Variants in CCDC102B observed in about 807,000 individuals in gnomAD.
The protein encoded by CCDC102B is coiled-coil domain containing 102B, also known as coiled-coil domain-containing protein 102B.
CCDC102B carries 75 observed loss-of-function variants against 57.4 expected under a neutral mutation model. The observed-to-expected ratio is 1.31, with a 90% confidence interval of 1.08 to 1.58. CCDC102B has a LOEUF of 1.58. Ranked by LOEUF, CCDC102B falls within the 40% of genes most tolerant of loss-of-function variation. The pLI is 0.00. For missense variants in CCDC102B, 636 were observed against 582.6 expected (o/e 1.09, Z -0.94); for synonymous variants, 206 against 201.9 (o/e 1.02, Z -0.17).
chr18:68,839,281 T>C (rs2037519204), intron 3 of CCDC102B, among the ~76,000 whole-genome samples: 1 of 152,270 alleles, frequency 6.6e-6, no homozygotes, highest in Admixed American at 6.5e-5. Flanking sequence ...TGAATAAATA[T>C]GTTAATATTA....
At chr18:68,784,526 C>G (rs2035121716) in intron 2 of CCDC102B, among the ~76,000 whole-genome samples, 1 of 151,970 alleles carries the variant, frequency 6.6e-6, no homozygotes, top group African/African-American at 2.4e-5. Context: ...AGCCATCAAA[C>G]CTGGTTAATG....
At chr18:68,832,489 TTTG>T (rs935078088) in intron 1 of CCDC102B, among the ~76,000 whole-genome samples, 4 of 152,180 alleles carry the variant, frequency 2.6e-5, no homozygotes, top group East Asian at 3.9e-4. Context: ...CCCACTTTAT[TTTG>T]TTGTTGTTGT....
chr18:68,908,556 T>C (rs2040725407), intron 6 of CCDC102B: 1 of 152,204 alleles, frequency 6.6e-6, no homozygotes, highest in Admixed American at 6.5e-5. Context: ...AGCAACTGTA[T>C]GCATTCTGTT....
intron 6 of CCDC102B, among the ~76,000 whole-genome samples, chr18:68,981,114 C>G (rs2050568426): frequency 6.6e-6 from 1 of 151,876 alleles, no homozygotes; most frequent in Non-Finnish European, 1.5e-5. Context: ...TTCAAATTTT[C>G]TACAATATGC....
At chr18:68,937,309 A>G (rs759778400) in intron 6 of CCDC102B, among the ~76,000 whole-genome samples, 1 of 152,082 alleles carries the variant, frequency 6.6e-6, no homozygotes, top group Non-Finnish European at 1.5e-5. Flanking sequence ...GTGGCACCAG[A>G]TAAGCCTCAA....
rs182938225 is a variant in CCDC102B at position 69,015,687 on chromosome 18, C to T, written c.1434+4583C>T. On this transcript the variant is annotated intron_variant, in intron 7 of 7. Coordinates refer to ENST00000360242, the MANE Select transcript of CCDC102B (RefSeq NM_024781.3). ...ATGTACTTGGGCCATAGGAAAAAAT[C>T]TGGGATCTAATTAAATAAACAAAGA... 2.5e-4 allele frequency among the ~76,000 whole-genome samples: 38 copies of T among 152,206 alleles called. 1 individual carries two copies. The highest frequency in any genetic ancestry group is 2.0e-3 in the Admixed American group (30 of 15,298).
At chr18:68,720,561 T>G (rs1040482301) in intron 2 of CCDC102B, among the ~76,000 whole-genome samples, 25 of 152,284 alleles carry the variant, frequency 1.6e-4, no homozygotes, top group Middle Eastern at 3.4e-3. Flanking sequence ...TCATGACCCT[T>G]ATAGAAAGAA....
chr18:68,874,490 C>G (rs982827978), intron 4 of CCDC102B, among the ~76,000 whole-genome samples, 179 bp from the exon 5 acceptor site: 15 of 151,372 alleles, frequency 9.9e-5, no homozygotes, highest in African/African-American at 3.6e-4. Flanking sequence ...CATTTTTGAA[C>G]TACAAGTATA....
intron 6 of CCDC102B, among the ~76,000 whole-genome samples, chr18:68,925,038 A>G (rs2041430398): frequency 6.6e-6 from 1 of 152,012 alleles, no homozygotes. Flanking sequence ...GGCTACTGCT[A>G]TGCACTAAGG....
Position 69,055,070 on chromosome 18 carries a change from G to A in CCDC102B, c.*933G>A, listed in dbSNP as rs892455675. ...ACCTATTTTCAACTGAAGGCAACTT[G>A]TAAGATTTAACTCAGTCAATAACAT... On this transcript the variant is annotated 3_prime_UTR_variant, in exon 8 of 8. Transcript: ENST00000360242. The A allele has an allele frequency of 9.2e-6, 9 of 983,016 alleles. No homozygotes were observed. The African/African-American group carries it at 1.0e-4, about 11-fold the overall frequency. The allele number at this position is 983,016 out of a possible 1,614,324, so 60.9% of individuals were successfully genotyped here. A position where few individuals can be genotyped will look rare whatever the true frequency, so the allele number is the denominator to read the frequency against.
chr18:68,987,807 C>T (rs1200204331), intron 6 of CCDC102B, among the ~76,000 whole-genome samples: 2 of 152,092 alleles, frequency 1.3e-5, no homozygotes, highest in African/African-American at 4.8e-5. Context: ...TGCTCCTAAT[C>T]ACTAATCATC....
At chr18:68,797,215 A>G (rs1025441606), upstream of CCDC102B, among the ~76,000 whole-genome samples, 3 of 152,162 alleles carry the variant, frequency 2.0e-5, no homozygotes, top group African/African-American at 7.2e-5. Context: ...GAGATAGATG[A>G]TAACACCGTA....
intron 2 of CCDC102B, among the ~76,000 whole-genome samples, chr18:68,746,942 T>A (rs1303043601): frequency 2.0e-5 from 3 of 152,040 alleles, no homozygotes; most frequent in Non-Finnish European, 4.4e-5. Flanking sequence ...TATTTATTTA[T>A]GTTTTAATTG....
intron 7 of CCDC102B, among the ~76,000 whole-genome samples, chr18:69,022,012 A>G (rs1283813226): frequency 6.6e-6 from 1 of 152,056 alleles, no homozygotes; most frequent in African/African-American, 2.4e-5. Flanking sequence ...ACCCAAACCC[A>G]TCAAGCGAGG....
intron 1 of CCDC102B, among the ~76,000 whole-genome samples, chr18:68,800,323 T>C (rs1051077764): frequency 6.6e-6 from 1 of 151,976 alleles, no homozygotes; most frequent in African/African-American, 2.4e-5. Context: ...ACACTGGGAT[T>C]TTAGGGTGCA....
chr18:68,733,024 T>C (rs1017710246), intron 2 of CCDC102B, among the ~76,000 whole-genome samples: 2 of 152,134 alleles, frequency 1.3e-5, no homozygotes, highest in Admixed American at 1.3e-4. Context: ...GGGAAGGTTA[T>C]GCTAAGGCTA....
chr18:68,837,577 G>C (rs920008928), intron 2 of CCDC102B, among the ~76,000 whole-genome samples: 2 of 152,162 alleles, frequency 1.3e-5, no homozygotes, highest in African/African-American at 4.8e-5. Flanking sequence ...TGCTAGCAGG[G>C]TTGGTTTCTT....
At position 68,787,795 on chromosome 18, in the gene CCDC102B, AT is replaced by A. The variant is rs796693664; in HGVS notation, c.-66-35565del. 4.3e-4 allele frequency among the ~76,000 whole-genome samples: 66 copies of A among 151,904 alleles called. No individual in the cohort carries two copies. In the East Asian group the frequency reaches 0.011, roughly 26 times the overall value. ...AAAAAACCAGCTCCTGGATTCATTAATTTTTTGAAGGGTTTTTTATGTCTCT... is the reference window on the plus strand; with the variant it reads ...AAAAAACCAGCTCCTGGATTCATTAATTTTTGAAGGGTTTTTTATGTCTCT... On this transcript the variant is annotated intron_variant, in intron 2 of 3. Coordinates refer to the CCDC102B transcript ENST00000578970.
chr18:69,056,003 G>T (rs2163477), downstream of CCDC102B, among the ~76,000 whole-genome samples: 57 of 152,002 alleles, frequency 3.7e-4, no homozygotes, highest in Middle Eastern at 3.4e-3. Flanking sequence ...CCCTTCCAGG[G>T]TTGCTATGAA....
Sources: allele counts gnomAD v4.1 joint callset (sites outside exome capture counted in the v4.1 genomes callset), GRCh38; gene constraint gnomAD v4.1.1; transcripts MANE v1.5; gene names NCBI Gene and HGNC (gene_info 2026-07-23, HGNC 2026-07-21).